FAM234B: variants seen among roughly 807,000 people sequenced by gnomAD.
FAM234B encodes protein FAM234B.
FAM234B carries 33 observed loss-of-function variants against 69.3 expected under a neutral mutation model. The ratio of observed to expected loss-of-function variants is 0.48; its 90% CI spans 0.36 to 0.64. The LOEUF (loss-of-function observed/expected upper bound fraction) is 0.64, where lower values mean the gene tolerates loss of function less well. FAM234B is among the 30% of genes least tolerant of loss of function. The pLI, the probability that FAM234B is intolerant of heterozygous loss-of-function variation, is 0.00. For synonymous variants in FAM234B, 306 were observed against 306.9 expected, an observed-to-expected ratio of 1.00 and a Z score of 0.03; for missense variants, 697 against 769.7, an observed-to-expected ratio of 0.91 and a Z score of 1.12.
chr12:13,073,133 T>C (rs546609258), intron 10 of FAM234B, among the ~76,000 whole-genome samples: 8 of 152,000 alleles, frequency 5.3e-5, no homozygotes, highest in African/African-American at 1.9e-4. Flanking sequence ...TTTAAGCAGA[T>C]GTTATCATTC....
chr12:13,066,559 G>T (rs1169616271), intron 5 of FAM234B, 81 bp from the exon 6 acceptor site: 2 of 1,438,494 alleles, frequency 1.4e-6, no homozygotes, highest in African/African-American at 2.9e-5. Context: ...TTATGAGGAG[G>T]CAGTGACTGT....
Position 13,079,932 on chromosome 12 carries a change from G to A in FAM234B, c.1786G>A (p.Glu596Lys), listed in dbSNP as rs1330140099. The change falls in exon 12 of 13, where the codon GAG becomes AAG. Residue 596 changes from glutamate (E) to lysine (K), a missense_variant. By Grantham distance (56) the Glu-to-Lys change is moderately conservative. Coordinates refer to ENST00000197268, the MANE Select transcript of FAM234B (RefSeq NM_020853.2). ...GGAGGGCCAGATGGCTCAGCTACAG[G>A]AGTCCACCCCCAAAATTGGCCGTGG... ...LMEGQMAQLQ[E>K]STPKIGRGEL... 1 of 1,613,874 alleles carries A rather than the reference G, an allele frequency of 6.2e-7. No homozygotes were observed. The highest frequency in any genetic ancestry group is 1.3e-5 in the African/African-American group (1 of 75,028).
chr12:13,078,025 G>A (rs2120510386), intron 11 of FAM234B, among the ~76,000 whole-genome samples: 1 of 151,084 alleles, frequency 6.6e-6, no homozygotes, highest in South Asian at 2.1e-4. Flanking sequence ...GCCAGTGATG[G>A]TGAGCATTTT....
chr12:13,044,757 A>C lies in FAM234B; in HGVS notation c.37+317A>C, dbSNP rs1184516367. Among the ~76,000 whole-genome samples the C allele has an allele frequency of 6.6e-6, 1 of 152,000 alleles. No individual in the cohort carries two copies. The highest frequency in any genetic ancestry group is 6.5e-5 in the Admixed American group (1 of 15,278). On this transcript the variant is annotated intron_variant, in intron 1 of 12. Coordinates refer to ENST00000197268, the MANE Select transcript of FAM234B (RefSeq NM_020853.2). This position sits in a 1 kb window ranked among gnomAD's most constrained non-coding sequence, Gnocchi z 5.6. Reference sequence around the variant, plus strand: ...GTCCCGAGGGGAGGCTGGCGAGAGGAGCATCCTTCCCGAGCGCCGCGGACC... The same window carrying C: ...GTCCCGAGGGGAGGCTGGCGAGAGGCGCATCCTTCCCGAGCGCCGCGGACC...
intron 9 of FAM234B, among the ~76,000 whole-genome samples, chr12:13,070,726 C>T (rs919824552): frequency 2.0e-5 from 3 of 151,924 alleles, no homozygotes; most frequent in Admixed American, 2.0e-4. Flanking sequence ...TTGAGACTTC[C>T]CTAGGTCCAT....
Position 13,057,350 on chromosome 12 carries a change from T to C in FAM234B, c.434-1101T>C, listed in dbSNP as rs777340254. On this transcript the variant is annotated intron_variant, in intron 2 of 12. Coordinates refer to ENST00000197268, the MANE Select transcript of FAM234B (RefSeq NM_020853.2). Reference sequence around the variant, plus strand: ...GAGATTCATCTATATTGATGCATTATACCTGGAGTTTATTCATTTTCACTA... The same window carrying C: ...GAGATTCATCTATATTGATGCATTACACCTGGAGTTTATTCATTTTCACTA... Among the ~76,000 whole-genome samples, 39 of 152,244 alleles carry C rather than the reference T, an allele frequency of 2.6e-4. 1 individual carries two copies. Among genetic ancestry groups the C allele is most frequent in the Non-Finnish European group, 4.6e-4 (31 of 68,038 alleles).
At chr12:13,052,962 T>A (rs569150318) in intron 1 of FAM234B, among the ~76,000 whole-genome samples, 4 of 152,308 alleles carry the variant, frequency 2.6e-5, no homozygotes, top group African/African-American at 9.6e-5. Context: ...CTGGGATGGT[T>A]AGGGAATGGT....
intron 12 of FAM234B, 62 bp downstream of exon 12, chr12:13,080,071 C>T (rs1332426787): frequency 7.8e-7 from 1 of 1,275,898 alleles, no homozygotes; most frequent in Non-Finnish European, 1.1e-6. Context: ...CCAATTCCAG[C>T]TTTGTCTTTA....
At chr12:13,048,768 A>T (rs995654844) in intron 1 of FAM234B, among the ~76,000 whole-genome samples, 8 of 152,200 alleles carry the variant, frequency 5.3e-5, no homozygotes, top group Middle Eastern at 3.2e-3. Flanking sequence ...CATACTTGAG[A>T]CGAGGCAATT....
intron 12 of FAM234B, 78 bp downstream of exon 12, chr12:13,080,087 T>G: frequency 8.9e-7 from 1 of 1,126,524 alleles, no homozygotes; most frequent in South Asian, 1.6e-5. Flanking sequence ...CTTTAGAAAG[T>G]AGGCAGAATG....
rs574890471 is a variant in FAM234B, at chr12:13,046,783, G to A, written c.37+2343G>A. Among the ~76,000 whole-genome samples the A allele has an allele frequency of 7.2e-5, 11 of 152,316 alleles. No individual in the cohort carries two copies. The South Asian group carries it at 1.9e-3, about 26-fold the overall frequency. Reference sequence around the variant, plus strand: ...CCCAACATCCCCACTGTTTTCATGTGTGAGGAAGTCAGGTTGGAGTGGTGG... The same window carrying A: ...CCCAACATCCCCACTGTTTTCATGTATGAGGAAGTCAGGTTGGAGTGGTGG... On this transcript the variant is annotated intron_variant, in intron 1 of 12. Transcript: ENST00000197268.
In FAM234B at chr12:13,067,074, C is replaced by T. The variant is rs538099422; in HGVS notation, c.1001-81C>T. ...TCTGTTAGACCCATCTGGTCAGGCTCTGTGTCTCTTGCTCAGATCCTCACC... is the reference window on the plus strand; with the variant it reads ...TCTGTTAGACCCATCTGGTCAGGCTTTGTGTCTCTTGCTCAGATCCTCACC... On this transcript the variant is annotated intron_variant, in intron 6 of 12. Transcript: ENST00000197268. The surrounding 1 kb of genome is among the most constrained non-coding windows in gnomAD (Gnocchi z 4.7). 17 of 1,539,480 alleles carry T rather than the reference C, an allele frequency of 1.1e-5. No homozygotes were observed. The African/African-American group carries it at 2.2e-4, about 20-fold the overall frequency.
At chr12:13,074,746 C>T (rs1865142724) in intron 10 of FAM234B, among the ~76,000 whole-genome samples, 1 of 152,094 alleles carries the variant, frequency 6.6e-6, no homozygotes. Context: ...TACCTGGGAT[C>T]CTAAGGGTGT....
intron 1 of FAM234B, among the ~76,000 whole-genome samples, chr12:13,054,854 C>T (rs1864911956): frequency 4.6e-5 from 7 of 152,216 alleles, no homozygotes; most frequent in Admixed American, 4.6e-4. Flanking sequence ...AAAGCACCTT[C>T]AAGACAAGTC....
At position 13,044,410 on chromosome 12, in the gene FAM234B, A is replaced by T; in HGVS notation, c.7A>T (p.Thr3Ser). 6.4e-7 allele frequency: 1 copy of T among 1,551,814 alleles called. No individual in the cohort carries two copies. Among genetic ancestry groups the T allele is most frequent in the South Asian group, 1.2e-5 (1 of 84,106 alleles). Residue 3 changes from threonine (T) to serine (S), a missense_variant, in exon 1 of 13, where the codon ACC (threonine) becomes TCC (serine). Physicochemically the swap from Thr to Ser is moderately conservative, Grantham distance 58. Around this residue, in one of 3 missense-constraint regions of FAM234B, gnomAD observed 380 missense variants for 447.1 expected, o/e 0.85. Coordinates refer to ENST00000197268, the MANE Select transcript of FAM234B (RefSeq NM_020853.2). This position sits in a 1 kb window ranked among gnomAD's most constrained non-coding sequence, Gnocchi z 5.6. ...GCGCACCGGGGCCTCAGCCATGGCG[A>T]CCGTGCTGTCCAGGGCGCTCAAGCT... MA[T>S]VLSRALKLPG... is the part of the protein sequence containing the mutation.
chr12:13,050,815 A>G (rs939045452), intron 1 of FAM234B, among the ~76,000 whole-genome samples: 5 of 152,360 alleles, frequency 3.3e-5, no homozygotes, highest in Non-Finnish European at 7.3e-5. Context: ...TGCCTGGGAC[A>G]GTAGGCACTC....
Position 13,083,143 on chromosome 12 carries a change from C to T in FAM234B, c.*2513C>T, listed in dbSNP as rs1394311032. Reference sequence around the variant, plus strand: ...ACCCACCCAGGTGTCTAAGATAGGACATGCTCCTTTCTTTCTCTAATCCCA... The same window carrying T: ...ACCCACCCAGGTGTCTAAGATAGGATATGCTCCTTTCTTTCTCTAATCCCA... On this transcript the variant is annotated 3_prime_UTR_variant, in exon 13 of 13. Coordinates refer to ENST00000197268, the MANE Select transcript of FAM234B (RefSeq NM_020853.2). The T allele has an allele frequency of 6.6e-6, 1 of 152,482 alleles. No individual in the cohort carries two copies. The highest frequency in any genetic ancestry group is 6.6e-5 in the Admixed American group (1 of 15,260). 9.4% of individuals were successfully genotyped at this position (152,482 alleles called of 1,614,324 possible).
chr12:13,058,200 C>T (rs1864951104), intron 2 of FAM234B, among the ~76,000 whole-genome samples: 1 of 152,138 alleles, frequency 6.6e-6, no homozygotes. Flanking sequence ...ATCACCTTGT[C>T]ATTCCTTGGG....
At chr12:13,075,606 TTC>T (rs1485977525) in intron 10 of FAM234B, among the ~76,000 whole-genome samples, 1 of 108,732 alleles carries the variant, frequency 9.2e-6, no homozygotes, top group East Asian at 3.0e-4. Context: ...CAGCTTTTTT[TTC>T]TCTTTTTTTT....
Sources: allele counts gnomAD v4.1 joint callset (sites outside exome capture counted in the v4.1 genomes callset), GRCh38; gene constraint gnomAD v4.1.1; regional missense constraint gnomAD v4.1.1; non-coding constraint Gnocchi (gnomAD v3.1); transcripts MANE v1.5; gene names NCBI Gene and HGNC (gene_info 2026-07-23, HGNC 2026-07-21).